Variants in ZFHX3 observed in about 807,000 individuals in gnomAD.
The protein encoded by ZFHX3 is zinc finger homeobox 3, also known as zinc finger homeobox protein 3.
Under a neutral mutation model 279.1 loss-of-function variants are expected in ZFHX3, and 42 were observed. That is an observed-to-expected ratio of 0.15 (90% CI 0.12 to 0.19). The LOEUF is 0.19. Among genes scored for constraint, ZFHX3 ranks in the 10% least tolerant of loss-of-function variants. ZFHX3 has a pLI of 1.00. For synonymous variants in ZFHX3, 2,293 were observed against 1,957.8 expected, an observed-to-expected ratio of 1.17 and a Z score of -4.52; for missense variants, 4,981 against 4,754.0, an observed-to-expected ratio of 1.05 and a Z score of -1.40.
chr16:73,014,168 C>T (rs866970617), intron 1 of ZFHX3, among the ~76,000 whole-genome samples: 1 of 152,140 alleles, frequency 6.6e-6, no homozygotes, highest in Non-Finnish European at 1.5e-5. Context: ...GAACCTAGAC[C>T]ATGCAAGGAA....
intron 1 of ZFHX3, among the ~76,000 whole-genome samples, chr16:73,725,540 AGTGTGTGTGT>A (rs35247672): frequency 6.7e-6 from 1 of 148,254 alleles, no homozygotes; most frequent in Non-Finnish European, 1.5e-5. Context: ...AGTGTGAGTG[AGTGTGTGTGT>A]GTGTGTGTGT....
chr16:73,214,719 A>G (rs1042815143), intron 5 of ZFHX3, among the ~76,000 whole-genome samples: 2 of 152,134 alleles, frequency 1.3e-5, no homozygotes, highest in Non-Finnish European at 1.5e-5. Context: ...CAGAAAATAC[A>G]ACTCAACACA....
chr16:73,719,796 GC>G (rs1404705803), intron 1 of ZFHX3, among the ~76,000 whole-genome samples: 1 of 7,488 alleles, frequency 1.3e-4, no homozygotes, highest in East Asian at 6.4e-3. Flanking sequence ...ACCAAGCCCA[GC>G]TAATTTTGTA....
At chr16:73,079,671 T>G (rs1965924004) in intron 8 of ZFHX3, among the ~76,000 whole-genome samples, 1 of 151,990 alleles carries the variant, frequency 6.6e-6, no homozygotes, top group Non-Finnish European at 1.5e-5. Context: ...CTTGGAAACC[T>G]ACACATGCTG....
At chr16:73,309,075 G>A (rs2015262513) in intron 4 of ZFHX3, among the ~76,000 whole-genome samples, 2 of 152,024 alleles carry the variant, frequency 1.3e-5, no homozygotes, top group South Asian at 4.1e-4. Context: ...TTTTTATTAT[G>A]ATTTTTTAAT....
Position 72,787,998 on chromosome 16 carries a change from G to T in ZFHX3, c.10278C>A (p.Asn3426Lys), listed in dbSNP as rs2035514325. The T allele has an allele frequency of 6.2e-7, 1 of 1,613,410 alleles. No individual in the cohort carries two copies. ...GGAGGGGGGACACCTCACGGGGGGTGTTTTTCTGTTCTTCTGGTTTGGGGG... is the reference window on the plus strand; with the variant it reads ...GGAGGGGGGACACCTCACGGGGGGTTTTTTTCTGTTCTTCTGGTTTGGGGG... Reference protein sequence around the residue: ...KESPKPEEQKNTPREVSPLLP... With the variant: ...KESPKPEEQKKTPREVSPLLP... Residue 3426 changes from asparagine (N) to lysine (K), a missense_variant, in exon 10 of 10, where the codon AAC becomes AAA. Around this residue, in one of 7 missense-constraint regions of ZFHX3, gnomAD observed 1,034 missense variants for 786.0 expected, o/e 1.32. Coordinates refer to ENST00000268489, the MANE Select transcript of ZFHX3 (RefSeq NM_006885.4).
In ZFHX3 at chr16:72,793,240, T is replaced by C. The variant is rs763876856; in HGVS notation, c.9427+15A>G. 3 of 1,598,948 alleles carry C rather than the reference T, an allele frequency of 1.9e-6. No individual in the cohort carries two copies. The highest frequency in any genetic ancestry group is 2.6e-6 in the Non-Finnish European group (3 of 1,172,220). ...GCTATTTAGCCCTGAAACAATCGCC[T>C]AGAGCAGAACCCACCTGTGTTGGAT... is the stretch of plus-strand genomic sequence containing the variant. On this transcript the variant is annotated intron_variant, in intron 9 of 9. Transcript: ENST00000268489. The surrounding 1 kb of genome is among the most constrained non-coding windows in gnomAD (Gnocchi z 4.3).
At chr16:73,797,200 T>C (rs1960019623) in intron 1 of ZFHX3, among the ~76,000 whole-genome samples, 1 of 124,504 alleles carries the variant, frequency 8.0e-6, no homozygotes, top group African/African-American at 3.9e-5. Flanking sequence ...TGAAACTCTA[T>C]CTCAAAAAAA....
At chr16:73,808,430 T>C (rs1242382237) in intron 1 of ZFHX3, 3 of 152,214 alleles carry the variant, frequency 2.0e-5, no homozygotes, top group Non-Finnish European at 4.4e-5. Flanking sequence ...AGCCAGCCTG[T>C]AAGCTTCTGT....
chr16:73,536,147 A>T (rs1051776837), intron 2 of ZFHX3, among the ~76,000 whole-genome samples: 1 of 152,230 alleles, frequency 6.6e-6, no homozygotes, highest in Admixed American at 6.5e-5. Flanking sequence ...GAGTTACACC[A>T]GTGCAGTCAG....
rs71391499 is a variant in ZFHX3 at position 73,168,211 on chromosome 16, T to TTTTATTTC, written c.-1103-24381_-1103-24380insGAAATAAA. ...CCTTTTAACACTATAGTTTCTTTTG[T>TTTTATTTC]TTTCTTTCTTTCTTTCTTTCTTTCT... On this transcript the variant is annotated intron_variant, in intron 5 of 17. Coordinates refer to the ZFHX3 transcript ENST00000641206. Among the ~76,000 whole-genome samples, 74 of 95,312 alleles carry TTTTATTTC rather than the reference T, an allele frequency of 7.8e-4. 1 individual carries two copies. The highest frequency in any genetic ancestry group is 2.8e-3 in the African/African-American group (69 of 25,018). 62.5% of individuals were successfully genotyped at this position (95,312 alleles called of 152,430 possible).
chr16:73,200,881 A>G (rs1968254084), intron 5 of ZFHX3, among the ~76,000 whole-genome samples: 1 of 152,218 alleles, frequency 6.6e-6, no homozygotes, highest in African/African-American at 2.4e-5. Context: ...ATGATTATTC[A>G]TCCTTCACCT....
intron 3 of ZFHX3, among the ~76,000 whole-genome samples, chr16:73,426,608 C>T (rs1462870967): frequency 6.6e-6 from 1 of 151,910 alleles, no homozygotes; most frequent in East Asian, 1.9e-4. Context: ...GAGAGAGAGC[C>T]ATTCATGCGT....
Position 72,959,838 on chromosome 16 carries a change from C to A in ZFHX3, c.308G>T (p.Arg103Leu), listed in dbSNP as rs776936617. The change falls in exon 2 of 10, where the codon CGC becomes CTC. Residue 103 changes from arginine (R) to leucine (L), a missense_variant. Physicochemically the swap from Arg to Leu is moderately radical, Grantham distance 102. This residue lies in a region of ZFHX3 where 1,068 missense variants were observed against 935.2 expected (regional missense o/e 1.14). Coordinates refer to ENST00000268489, the MANE Select transcript of ZFHX3 (RefSeq NM_006885.4). ...TYMEHHCPSA[R>L]PPPPLREESA... ...CTCCTCTCTCAGGGGTGGCGGGGGG[C>A]GCGCGCTGGGGCAGTGGTGCTCCAT... The A allele has an allele frequency of 1.9e-6, 3 of 1,594,094 alleles. No individual in the cohort carries two copies. Among genetic ancestry groups the A allele is most frequent in the East Asian group, 2.2e-5 (1 of 44,524 alleles).
At chr16:73,145,101 T>G (rs745312768) in intron 5 of ZFHX3, among the ~76,000 whole-genome samples, 6 of 152,246 alleles carry the variant, frequency 3.9e-5, no homozygotes, top group Non-Finnish European at 5.9e-5. Flanking sequence ...CGTCCTGTGG[T>G]GACAGGCTGC....
In ZFHX3 at chr16:72,794,290, T is replaced by A. The variant is rs147877008; in HGVS notation, c.8392A>T (p.Thr2798Ser). 4.6e-5 allele frequency: 74 copies of A among 1,611,948 alleles called. No individual in the cohort carries two copies. The African/African-American group carries it at 7.4e-4, about 16-fold the overall frequency. Residue 2798 changes from threonine to serine, a missense_variant, in exon 9 of 10, where the codon ACT becomes TCT. This residue lies in a region of ZFHX3 where 744 missense variants were observed against 701.3 expected (regional missense o/e 1.06). Transcript: ENST00000268489. The surrounding 1 kb of genome is among the most constrained non-coding windows in gnomAD (Gnocchi z 4.2). ...VSKTMELSPR[T>S]LLSPSSIKVE... ...TTAATGGAGGAAGGGCTTAGAAGAG[T>A]TCTGGGTGACAATTCCATGGTTTTA...
intron 4 of ZFHX3, among the ~76,000 whole-genome samples, chr16:72,848,780 C>T (rs541331299): frequency 2.6e-5 from 4 of 152,070 alleles, no homozygotes; most frequent in South Asian, 2.1e-4. Flanking sequence ...CTCTCTCCCC[C>T]AGCTCCCCAA....
At chr16:73,672,816 A>G (rs182430680) in intron 2 of ZFHX3, among the ~76,000 whole-genome samples, 4 of 152,304 alleles carry the variant, frequency 2.6e-5, no homozygotes, top group African/African-American at 7.2e-5. Flanking sequence ...TATATCCAAA[A>G]GAAATTCTTA....
intron 3 of ZFHX3, among the ~76,000 whole-genome samples, chr16:72,910,391 G>T (rs558218666): frequency 2.2e-4 from 34 of 152,284 alleles, no homozygotes; most frequent in African/African-American, 8.2e-4. Context: ...AAGAGCTGAC[G>T]CTAGGACATC....
Sources: gnomAD v4.1 joint callset for allele counts (sites outside exome capture counted in the v4.1 genomes callset) on GRCh38, gnomAD v4.1.1 for gene constraint, gnomAD v4.1.1 regional missense constraint, Gnocchi (gnomAD v3.1) non-coding constraint, MANE v1.5 for transcripts, NCBI Gene and HGNC (gene_info 2026-07-23, HGNC 2026-07-21) for gene names.